EMC2: variants seen among roughly 807,000 people sequenced by gnomAD.
EMC2 encodes the protein ER membrane protein complex subunit 2, also known as TPR repeat protein 35.
A neutral mutation model predicts 51.6 loss-of-function variants in EMC2; 37 were observed. That is an observed-to-expected ratio of 0.72 (90% CI 0.55 to 0.94). The LOEUF (loss-of-function observed/expected upper bound fraction) is 0.94, where lower values mean the gene tolerates loss of function less well. EMC2 is among the 40% of genes least tolerant of loss of function. The probability of loss-of-function intolerance (pLI) is 0.00; values close to 1 mark genes in which losing one functional copy is unlikely to be tolerated. For synonymous variants in EMC2, 131 were observed against 112.4 expected (o/e 1.17, Z -1.04); for missense variants, 359 against 350.9 (o/e 1.02, Z -0.18).
chr8:108,461,199 C>T (rs192121430), intron 5 of EMC2, among the ~76,000 whole-genome samples: 14 of 152,290 alleles, frequency 9.2e-5, no homozygotes, highest in Middle Eastern at 3.4e-3. Context: ...AAAGTGATCA[C>T]GTGACCTTTT....
intron 1 of EMC2, among the ~76,000 whole-genome samples, chr8:108,448,259 C>T (rs115669638): frequency 0.012 from 1,753 of 152,178 alleles, 39 homozygotes; most frequent in African/African-American, 0.039. Flanking sequence ...AGTACAGATT[C>T]GGTAAGTTAT....
chr8:108,483,267 A>G (rs891397284), intron 10 of EMC2, among the ~76,000 whole-genome samples: 1 of 152,146 alleles, frequency 6.6e-6, no homozygotes, highest in South Asian at 2.1e-4. Context: ...CATGTAATCA[A>G]GTGCATATAT....
intron 10 of EMC2, 67 bp from the exon 11 acceptor site, chr8:108,486,445 G>A: frequency 3.4e-6 from 5 of 1,463,378 alleles, no homozygotes; most frequent in Non-Finnish European, 4.5e-6. Context: ...ACAGTGTGAA[G>A]ATTGTCATTT....
chr8:108,469,273 T>C (rs1810803114), intron 5 of EMC2, among the ~76,000 whole-genome samples: 1 of 152,228 alleles, frequency 6.6e-6, no homozygotes, highest in Non-Finnish European at 1.5e-5. Context: ...ATGTTTATCA[T>C]TTTAAAAACT....
chr8:108,476,094 G>A (rs1043830823), intron 8 of EMC2, 131 bp downstream of exon 8: 2 of 513,124 alleles, frequency 3.9e-6, no homozygotes, highest in Non-Finnish European at 6.7e-6. Context: ...GCATTGAATT[G>A]TGGGAATAAA....
intron 4 of EMC2, among the ~76,000 whole-genome samples, chr8:108,454,205 T>A (rs1033845968): frequency 6.6e-6 from 1 of 152,106 alleles, no homozygotes; most frequent in African/African-American, 2.4e-5. Flanking sequence ...CCATTTACAT[T>A]TAAAGTGATG....
chr8:108,451,647 T>C (rs1226248292), intron 3 of EMC2, among the ~76,000 whole-genome samples: 1 of 151,252 alleles, frequency 6.6e-6, no homozygotes, highest in East Asian at 1.9e-4. Context: ...CTATGAGACA[T>C]AGTCTTTTGA....
intron 5 of EMC2, among the ~76,000 whole-genome samples, chr8:108,460,159 C>T (rs923175187): frequency 6.6e-6 from 1 of 152,190 alleles, no homozygotes; most frequent in African/African-American, 2.4e-5. Flanking sequence ...TTATATTTCT[C>T]ATCCCAGGTT....
At chr8:108,465,239 T>C (rs1819439485) in intron 5 of EMC2, among the ~76,000 whole-genome samples, 1 of 152,138 alleles carries the variant, frequency 6.6e-6, no homozygotes, top group Non-Finnish European at 1.5e-5. Flanking sequence ...TTGGCACTAG[T>C]GTATATATAT....
chr8:108,464,374 G>A (rs954236486), intron 5 of EMC2, among the ~76,000 whole-genome samples: 4 of 152,194 alleles, frequency 2.6e-5, no homozygotes, highest in East Asian at 1.9e-4. Context: ...CTGGCCATAC[G>A]CCAGCCTGCT....
intron 5 of EMC2, among the ~76,000 whole-genome samples, chr8:108,457,331 CGTGTGTGTGTGTGTGTGTGTGT>C (rs56319322): frequency 7.8e-5 from 10 of 128,084 alleles, no homozygotes; most frequent in African/African-American, 1.7e-4. Context: ...CGTGTGTGTG[CGTGTGTGTGTGTGTGTGTGTGT>C]GTGTGTGTGT....
At chr8:108,477,400 CAATT>C (rs1272738897) in intron 9 of EMC2, among the ~76,000 whole-genome samples, 8 of 152,016 alleles carry the variant, frequency 5.3e-5, no homozygotes, top group Admixed American at 2.6e-4. Flanking sequence ...TTAGAAAAGT[CAATT>C]AATAAGAGCT....
At position 108,478,867 on chromosome 8, in the gene EMC2, TTA is replaced by T. The variant is rs1024091052; in HGVS notation, c.703-137_703-136del. ...CATTTTTAAGCACTAATATTCAACT[TTA>T]TGTTTATATTAAAAATTATTTTAAT... On this transcript the variant is annotated intron_variant, in intron 9 of 10. Coordinates refer to ENST00000220853, the MANE Select transcript of EMC2 (RefSeq NM_014673.5). The T allele has an allele frequency of 7.3e-5, 28 of 381,166 alleles. No individual in the cohort carries two copies. The Admixed American group carries it at 8.5e-4, about 12-fold the overall frequency. The allele number at this position is 381,166 out of a possible 1,614,324, so 23.6% of individuals were successfully genotyped here. A position where few individuals can be genotyped will look rare whatever the true frequency, so the allele number is the denominator to read the frequency against.
chr8:108,470,038 T>G, intron 6 of EMC2, 24 bp from the exon 7 acceptor site: 2 of 1,599,872 alleles, frequency 1.3e-6, no homozygotes, highest in Non-Finnish European at 1.7e-6. Flanking sequence ...ACACACTTAC[T>G]TTTTTTTCTT....
Position 108,486,657 on chromosome 8 carries a change from G to A in EMC2, c.*59G>A. The A allele has an allele frequency of 6.7e-7, 1 of 1,497,956 alleles. No homozygotes were observed. The highest frequency in any genetic ancestry group is 1.3e-5 in the South Asian group (1 of 75,832). 92.8% of individuals were successfully genotyped at this position (1,497,956 alleles called of 1,614,324 possible). ...ACTGCACAATTGAACTTATTGGCCT[G>A]TAACTTATTTACTAAATGCTCAGTG... On this transcript the variant is annotated 3_prime_UTR_variant, in exon 11 of 11. Coordinates refer to ENST00000220853, the MANE Select transcript of EMC2 (RefSeq NM_014673.5).
At chr8:108,461,383 TTC>T (rs1486766989) in intron 5 of EMC2, among the ~76,000 whole-genome samples, 1 of 152,206 alleles carries the variant, frequency 6.6e-6, no homozygotes, top group Non-Finnish European at 1.5e-5. Context: ...AATTAGCCTT[TTC>T]TGTGCTTCTA....
rs1007233911 is a variant in EMC2, at chr8:108,487,472, C to T, written c.*874C>T. ...CTTAGTTAGAATTTTTTATTTTTCTCTTTTCATAATAAACAACCATTATGC... is the reference window on the plus strand; with the variant it reads ...CTTAGTTAGAATTTTTTATTTTTCTTTTTTCATAATAAACAACCATTATGC... On this transcript the variant is annotated 3_prime_UTR_variant, in exon 11 of 11. Transcript: ENST00000220853. 6.6e-6 allele frequency among the ~76,000 whole-genome samples: 1 copy of T among 151,800 alleles called. No individual in the cohort carries two copies. Among genetic ancestry groups the T allele is most frequent in the Non-Finnish European group, 1.5e-5 (1 of 67,920 alleles).
At chr8:108,476,019 A>G in intron 8 of EMC2, 56 bp downstream of exon 8, 1 of 895,008 alleles carries the variant, frequency 1.1e-6, no homozygotes, top group Non-Finnish European at 1.8e-6. Context: ...ATTCGGTGTT[A>G]TTATGGAACT....
intron 2 of EMC2, 130 bp from the exon 3 acceptor site, chr8:108,450,298 T>C: frequency 1.5e-6 from 1 of 657,054 alleles, no homozygotes; most frequent in South Asian, 1.8e-5. Flanking sequence ...GTTTCAGAGA[T>C]AATACAATAA....
Sources: allele counts gnomAD v4.1 joint callset (sites outside exome capture counted in the v4.1 genomes callset), GRCh38; gene constraint gnomAD v4.1.1; transcripts MANE v1.5; gene names NCBI Gene and HGNC (gene_info 2026-07-23, HGNC 2026-07-21).